The following PLEK2 variants were observed in gnomAD, a reference collection of about 807,000 sequenced individuals.
PLEK2 encodes pleckstrin 2, also known as pleckstrin-2.
A neutral mutation model predicts 43.8 loss-of-function variants in PLEK2; 29 were observed. That is an observed-to-expected ratio of 0.66 (90% CI 0.49 to 0.90). The LOEUF (loss-of-function observed/expected upper bound fraction) is 0.90, where lower values mean the gene tolerates loss of function less well. Among genes scored for constraint, PLEK2 ranks in the 40% least tolerant of loss-of-function variants. PLEK2 has a pLI of 0.00. For synonymous variants in PLEK2, 162 were observed against 173.2 expected, an observed-to-expected ratio of 0.94 and a Z score of 0.51; for missense variants, 398 against 448.1, an observed-to-expected ratio of 0.89 and a Z score of 1.01.
chr14:67,398,352 C>T (rs1321053026), intron 1 of PLEK2, among the ~76,000 whole-genome samples: 1 of 152,130 alleles, frequency 6.6e-6, no homozygotes, highest in African/African-American at 2.4e-5. Flanking sequence ...AGAAAGGGAT[C>T]CTTTCTGATC....
rs533106582 is a variant in PLEK2 at position 67,410,238 on chromosome 14, A to C, written c.42+1780T>G. On this transcript the variant is annotated intron_variant, in intron 1 of 8. Coordinates refer to ENST00000216446, the MANE Select transcript of PLEK2 (RefSeq NM_016445.3). ...GGTGGGGGTGATAGGGAATGATGGA[A>C]GGTAACCCCCAGGAACAGGAGAAGG... Among the ~76,000 whole-genome samples the C allele has an allele frequency of 5.9e-5, 9 of 152,166 alleles. No individual in the cohort carries two copies. In the South Asian group the frequency reaches 1.0e-3, roughly 18 times the overall value.
chr14:67,400,556 A>G (rs2086041265), intron 1 of PLEK2, among the ~76,000 whole-genome samples: 1 of 152,202 alleles, frequency 6.6e-6, no homozygotes, highest in South Asian at 2.1e-4. Flanking sequence ...CACTAGCAGG[A>G]CTGGTCTGGG....
intron 3 of PLEK2, 97 bp from the exon 4 acceptor site, chr14:67,393,338 C>G: frequency 1.2e-6 from 1 of 830,538 alleles, no homozygotes; most frequent in Middle Eastern, 2.2e-4. Context: ...AAGCAAGTGG[C>G]AAATGGTGTG....
At chr14:67,408,170 C>T (rs1595661401) in intron 1 of PLEK2, among the ~76,000 whole-genome samples, 2 of 151,988 alleles carry the variant, frequency 1.3e-5, no homozygotes, top group African/African-American at 4.8e-5. Context: ...CCTGTAATCT[C>T]AGCTACTCAG....
intron 6 of PLEK2, 109 bp from the exon 7 acceptor site, chr14:67,390,855 GACT>G (rs1253584184): frequency 8.7e-6 from 7 of 805,330 alleles, no homozygotes; most frequent in Admixed American, 5.1e-5. Context: ...GCTCCAATGG[GACT>G]ACATTCTAAA....
chr14:67,392,496 G>T, intron 5 of PLEK2, 69 bp from the exon 6 acceptor site: 2 of 1,329,414 alleles, frequency 1.5e-6, no homozygotes, highest in Non-Finnish European at 2.2e-6. Flanking sequence ...GCGGCTGTCA[G>T]AGGGGAAAGG....
At position 67,392,679 on chromosome 14, in the gene PLEK2, T is replaced by A. The variant is rs140572250; in HGVS notation, c.652A>T (p.Thr218Ser). The change falls in exon 5 of 9, where the codon ACA (threonine) becomes TCA (serine). Residue 218 changes from threonine (T) to serine (S), a missense_variant. Coordinates refer to ENST00000216446, the MANE Select transcript of PLEK2 (RefSeq NM_016445.3). The part of the protein sequence containing the change: ...DLAEQFLDDS[T>S]ALYTFAESYK... ...CAACTTACAAAAGTGTACAGGGCTG[T>A]GGAGTCATCCAGGAACTGCTCGGCC... 4.9e-5 allele frequency: 79 copies of A among 1,614,030 alleles called. 1 individual carries two copies. The African/African-American group carries it at 9.3e-4, about 19-fold the overall frequency.
Position 67,387,392 on chromosome 14 carries a change from G to GT in PLEK2, c.998dup (p.Tyr333Ter). 1 of 1,611,082 alleles carries GT rather than the reference G, an allele frequency of 6.2e-7. No individual in the cohort carries two copies. The highest frequency in any genetic ancestry group is 8.5e-7 in the Non-Finnish European group (1 of 1,178,832). The change falls in exon 9 of 9, where the codon TAC (tyrosine) becomes TAAC (stop). Residue 333 changes from tyrosine to a stop codon, truncating the protein, a stop_gained and frameshift_variant. Coordinates refer to ENST00000216446, the MANE Select transcript of PLEK2 (RefSeq NM_016445.3). LOFTEE classifies it high-confidence loss of function. ...GCTCAGCCTTGCTGCTGGCCTGAAT[G>GT]TAATAGTGTGTGTCATCCTTAGTAA... ...KVITKDDTHY[Y>*]IQASSKAERA...
chr14:67,387,268 C>G lies in PLEK2; in HGVS notation c.*61G>C. On this transcript the variant is annotated 3_prime_UTR_variant, in exon 9 of 9. Transcript: ENST00000216446. ...CAAAAGTCTTAACACTCCCATTCTC[C>G]AGGAACTCTTGTCTGTGTCATCTGG... 1 of 1,537,044 alleles carries G rather than the reference C, an allele frequency of 6.5e-7. No homozygotes were observed. The highest frequency in any genetic ancestry group is 8.8e-7 in the Non-Finnish European group (1 of 1,136,190).
intron 2 of PLEK2, among the ~76,000 whole-genome samples, chr14:67,396,658 G>A (rs1028764892): frequency 5.3e-5 from 8 of 152,248 alleles, no homozygotes; most frequent in African/African-American, 1.9e-4. Context: ...TGTCCAGAAT[G>A]ACTGCCTCTC....
At chr14:67,394,426 T>C (rs1429171603) in intron 3 of PLEK2, among the ~76,000 whole-genome samples, 3 of 151,584 alleles carry the variant, frequency 2.0e-5, no homozygotes, top group Non-Finnish European at 1.5e-5. Context: ...GCCCCAAGAG[T>C]GCACAGTAGC....
intron 7 of PLEK2, among the ~76,000 whole-genome samples, chr14:67,390,410 CT>C (rs886846899): frequency 6.6e-6 from 1 of 152,156 alleles, no homozygotes; most frequent in African/African-American, 2.4e-5. Flanking sequence ...TGCTTTTCCT[CT>C]GAAAATGATA....
intron 1 of PLEK2, among the ~76,000 whole-genome samples, chr14:67,409,213 A>G (rs1018424713): frequency 6.6e-6 from 1 of 152,072 alleles, no homozygotes; most frequent in Non-Finnish European, 1.5e-5. Context: ...ACTGTACTCC[A>G]GCCTGGGCAA....
intron 1 of PLEK2, among the ~76,000 whole-genome samples, chr14:67,398,517 T>C (rs77406576): frequency 6.6e-6 from 1 of 151,614 alleles, no homozygotes; most frequent in Non-Finnish European, 1.5e-5. Flanking sequence ...TAAATGACCC[T>C]TCATTATTTC....
chr14:67,404,207 A>G (rs375523047), intron 1 of PLEK2, among the ~76,000 whole-genome samples: 5 of 152,206 alleles, frequency 3.3e-5, no homozygotes, highest in South Asian at 2.1e-4. Context: ...AAGAATTCCA[A>G]TCCTAAGAGA....
Position 67,397,844 on chromosome 14 carries a change from A to G in PLEK2, c.43-18T>C. On this transcript the variant is annotated intron_variant, in intron 1 of 8. Transcript: ENST00000216446. ...ATGTGGCCCTATGGACAGACAAGAA[A>G]GCCCTGAGGTGAGGCGGTCAGTGGG... 1 of 1,595,100 alleles carries G rather than the reference A, an allele frequency of 6.3e-7. No individual in the cohort carries two copies. Among genetic ancestry groups the G allele is most frequent in the Non-Finnish European group, 8.6e-7 (1 of 1,168,512 alleles).
chr14:67,407,020 C>T (rs909225359), intron 1 of PLEK2, among the ~76,000 whole-genome samples: 5 of 152,018 alleles, frequency 3.3e-5, no homozygotes, highest in African/African-American at 7.2e-5. Flanking sequence ...GAGAGAAGGA[C>T]GAGGGGCCCA....
chr14:67,398,765 C>G (rs1240809499), intron 1 of PLEK2, among the ~76,000 whole-genome samples: 1 of 152,104 alleles, frequency 6.6e-6, no homozygotes, highest in East Asian at 1.9e-4. Context: ...ACTATACTCC[C>G]TAGGCTGGTC....
intron 1 of PLEK2, among the ~76,000 whole-genome samples, chr14:67,409,380 A>G (rs2086101716): frequency 6.6e-6 from 1 of 152,220 alleles, no homozygotes; most frequent in Non-Finnish European, 1.5e-5. Context: ...TCATCTCTAC[A>G]AAAATACAAA....
Sources: gnomAD v4.1 joint callset for allele counts (sites outside exome capture counted in the v4.1 genomes callset) on GRCh38, gnomAD v4.1.1 for gene constraint, MANE v1.5 for transcripts, NCBI Gene and HGNC (gene_info 2026-07-23, HGNC 2026-07-21) for gene names.